The following CTDSP1 variants were observed in gnomAD, a reference collection of about 807,000 sequenced individuals.
CTDSP1 encodes the protein carboxy-terminal domain RNA polymerase II polypeptide A small phosphatase 1.
In CTDSP1, 15 loss-of-function variants were observed where a neutral mutation model predicts 32.5. That is an observed-to-expected ratio of 0.46 (90% CI 0.31 to 0.71). CTDSP1 has a LOEUF of 0.71. Among genes scored for constraint, CTDSP1 ranks in the 30% least tolerant of loss-of-function variants. The pLI is 0.05. For synonymous variants in CTDSP1, 185 were observed against 145.4 expected (o/e 1.27, Z -1.96); for missense variants, 294 against 351.1 (o/e 0.84, Z 1.30).
chr2:218,402,103 C>A lies in CTDSP1; in HGVS notation c.217-8C>A. 6.2e-7 allele frequency: 1 copy of A among 1,602,560 alleles called. No individual in the cohort carries two copies. Among genetic ancestry groups the A allele is most frequent in the Non-Finnish European group, 8.5e-7 (1 of 1,170,862 alleles). ...GAGGCACCCCAGCCAGCCCCGCCCT[C>A]CCTACAGCAGACCCCAGTCCAATAC... On this transcript the variant is annotated splice_polypyrimidine_tract_variant and splice_region_variant and intron_variant, in intron 2 of 6. Coordinates refer to ENST00000273062, the MANE Select transcript of CTDSP1 (RefSeq NM_021198.3).
intron 6 of CTDSP1, 129 bp from the exon 7 acceptor site, chr2:218,404,168 A>G (rs779271467): frequency 8.9e-7 from 1 of 1,128,882 alleles, no homozygotes; most frequent in Non-Finnish European, 1.3e-6. Context: ...CTGTCAAAAA[A>G]GTTTGAACAC....
chr2:218,398,399 G>C (rs1451458117), upstream of CTDSP1: 10 of 1,535,280 alleles, frequency 6.5e-6, no homozygotes, highest in Non-Finnish European at 8.7e-6. Context: ...TGGCGATCAC[G>C]GTGATGAAGC....
chr2:218,403,399 C>T lies in CTDSP1; in HGVS notation c.639C>T (p.Val213=), dbSNP rs35551716. The T allele has an allele frequency of 4.9e-5, 79 of 1,604,942 alleles. No individual in the cohort carries two copies. In the African/African-American group the frequency reaches 9.2e-4, roughly 19 times the overall value. The change falls in exon 6 of 7, where the codon GTC becomes GTT. Residue 213 remains valine (V), a synonymous_variant. Transcript: ENST00000273062. ...LILDNSPASY[V]FHPDNAVPVA... The stretch of plus-strand genomic sequence containing the variant: ...TGGACAATTCACCTGCCTCCTATGT[C>T]TTCCATCCAGACAATGCTGTGAGTG...
intron 2 of CTDSP1, 42 bp from the exon 3 acceptor site, chr2:218,402,069 G>C: frequency 7.2e-7 from 1 of 1,379,944 alleles, no homozygotes; most frequent in Non-Finnish European, 1.0e-6. Flanking sequence ...GAAGGACCAG[G>C]CCCGGAGAGA....
intron 4 of CTDSP1, chr2:218,402,833 G>C (rs1162133167): frequency 8.9e-6 from 6 of 673,774 alleles, no homozygotes; most frequent in Non-Finnish European, 1.6e-5. Context: ...GGACTGGCCA[G>C]TGGAGTGGAA....
At chr2:218,404,173 G>A (rs372976760) in intron 6 of CTDSP1, 124 bp from the exon 7 acceptor site, 4 of 1,217,198 alleles carry the variant, frequency 3.3e-6, no homozygotes, top group Non-Finnish European at 4.6e-6. Context: ...AAAAAAGTTT[G>A]AACACTGTGG....
exon 1 of CTDSP1, chr2:218,399,866 TTGCATCCGCCTCGCGGGAAGGAAAC>T (rs1466785489): frequency 3.2e-6 from 4 of 1,241,744 alleles, no homozygotes; most frequent in Admixed American, 4.3e-5. Context: ...GGTTCCATGT[TTGCATCCGCCTCGCGGGAAGGAAAC>T]TCCATGTTGT....
upstream of CTDSP1, among the ~76,000 whole-genome samples, chr2:218,397,162 T>C (rs1356878912): frequency 1.3e-5 from 2 of 151,972 alleles, no homozygotes; most frequent in Non-Finnish European, 2.9e-5. Flanking sequence ...GGCAGAGTAA[T>C]GGGCAGGTTG....
intron 4 of CTDSP1, chr2:218,402,626 G>C (rs1290804695): frequency 1.3e-6 from 1 of 763,042 alleles, no homozygotes; most frequent in Non-Finnish European, 2.4e-6. Context: ...CCCGTGCTGT[G>C]CTCCCTCGCC....
Position 218,404,723 on chromosome 2 carries a change from C to G in CTDSP1, c.*298C>G. ...TGTCTCTGTCCATGCTGCCATGTTTCTCTGCTGCCAAATTGGGCCCCTTGG... is the reference window on the plus strand; with the variant it reads ...TGTCTCTGTCCATGCTGCCATGTTTGTCTGCTGCCAAATTGGGCCCCTTGG... On this transcript the variant is annotated 3_prime_UTR_variant, in exon 7 of 7. Coordinates refer to ENST00000273062, the MANE Select transcript of CTDSP1 (RefSeq NM_021198.3). 3.1e-6 allele frequency: 1 copy of G among 326,056 alleles called. No individual in the cohort carries two copies. The highest frequency in any genetic ancestry group is 8.3e-4 in the Middle Eastern group (1 of 1,208). 20.2% of individuals were successfully genotyped at this position (326,056 alleles called of 1,614,324 possible).
rs1297938347 is a variant in CTDSP1, at chr2:218,401,605, G to A, written c.109G>A (p.Gly37Ser). ...SAASQKPRSR[G>S]ILHSLFCCVC... is the part of the protein sequence containing the mutation. Reference sequence around the variant, plus strand: ...AGCTTCCCAGAAGCCCCGAAGCCGGGGCATCCTCCACTCACTCTTCTGCTG... The same window carrying A: ...AGCTTCCCAGAAGCCCCGAAGCCGGAGCATCCTCCACTCACTCTTCTGCTG... Residue 37 changes from glycine to serine, a missense_variant, in exon 2 of 7, where the codon GGC (glycine) becomes AGC (serine). By Grantham distance (56) the Gly-to-Ser change is moderately conservative. Transcript: ENST00000273062. The A allele has an allele frequency of 3.7e-6, 6 of 1,613,812 alleles. No homozygotes were observed. The African/African-American group carries it at 8.0e-5, about 22-fold the overall frequency.
chr2:218,404,886 G>GA lies in CTDSP1; in HGVS notation c.*461_*462insA. Reference sequence around the variant, plus strand: ...CAGGGGCACAGCTCTAGGCTGGGAGGGGAGAACCAGCCCCTCCCCCTGCCC... The same window carrying GA: ...CAGGGGCACAGCTCTAGGCTGGGAGGAGGAGAACCAGCCCCTCCCCCTGCCC... On this transcript the variant is annotated 3_prime_UTR_variant, in exon 7 of 7. Transcript: ENST00000273062. The GA allele has an allele frequency of 6.5e-6, 1 of 154,868 alleles. No individual in the cohort carries two copies. The highest frequency in any genetic ancestry group is 1.9e-4 in the South Asian group (1 of 5,178). 9.6% of individuals were successfully genotyped at this position (154,868 alleles called of 1,614,324 possible).
upstream of CTDSP1, chr2:218,398,365 G>GCCT: frequency 6.6e-7 from 1 of 1,514,724 alleles, no homozygotes; most frequent in East Asian, 2.5e-5. Context: ...GCCAGAGCAG[G>GCCT]CCTAGGAAAA....
Position 218,405,816 on chromosome 2 carries a change from C to G in CTDSP1, c.*1391C>G, listed in dbSNP as rs1697379094. On this transcript the variant is annotated 3_prime_UTR_variant, in exon 7 of 7. Transcript: ENST00000273062. Reference sequence around the variant, plus strand: ...AGTGGTGATGTCGTTGTGCTCCCCTCCCCCAGAGCGGGTGGGCGGGGGGTG... The same window carrying G: ...AGTGGTGATGTCGTTGTGCTCCCCTGCCCCAGAGCGGGTGGGCGGGGGGTG... 1 of 153,184 alleles carries G rather than the reference C, an allele frequency of 6.5e-6. No homozygotes were observed. Among genetic ancestry groups the G allele is most frequent in the South Asian group, 2.1e-4 (1 of 4,848 alleles). The allele number at this position is 153,184 out of a possible 1,614,324, so 9.5% of individuals were successfully genotyped here. A position where few individuals can be genotyped will look rare whatever the true frequency, so the allele number is the denominator to read the frequency against.
intron 6 of CTDSP1, 104 bp downstream of exon 6, chr2:218,403,521 T>G: frequency 9.3e-7 from 1 of 1,074,000 alleles, no homozygotes; most frequent in Non-Finnish European, 1.3e-6. Flanking sequence ...GGGGGGTGGG[T>G]GCCCTCCCAG....
At chr2:218,402,943 G>A (rs921892096) in intron 4 of CTDSP1, 92 bp from the exon 5 acceptor site, 10 of 906,426 alleles carry the variant, frequency 1.1e-5, no homozygotes, top group Admixed American at 1.9e-5. Context: ...CTTCCTGTGC[G>A]CCTCTGCCTC....
In CTDSP1 at chr2:218,400,050, C is replaced by T; in HGVS notation, c.-41C>T. 2 of 1,353,142 alleles carry T rather than the reference C, an allele frequency of 1.5e-6. No individual in the cohort carries two copies. The highest frequency in any genetic ancestry group is 1.9e-6 in the Non-Finnish European group (2 of 1,047,572). 83.8% of individuals were successfully genotyped at this position (1,353,142 alleles called of 1,614,324 possible). The stretch of plus-strand genomic sequence containing the variant: ...CCCCAGCCGGGGGGGAGGCCGGGCG[C>T]CCGGGCCAGAGTCCGGCCGGAGCGG... On this transcript the variant is annotated 5_prime_UTR_variant, in exon 1 of 7. Transcript: ENST00000273062.
chr2:218,401,580 A>G lies in CTDSP1; in HGVS notation c.84A>G (p.Ala28=), dbSNP rs1448572375. ...CTACTTCAGGTGACCAGAAGTCAGC[A>G]GCTTCCCAGAAGCCCCGAAGCCGGG... ...PLRGKGDQKS[A]ASQKPRSRGI... The change falls in exon 2 of 7, where the codon GCA becomes GCG. Residue 28 remains alanine, a synonymous_variant. Transcript: ENST00000273062. 1.1e-5 allele frequency: 18 copies of G among 1,613,846 alleles called. No individual in the cohort carries two copies. The highest frequency in any genetic ancestry group is 1.5e-5 in the Non-Finnish European group (18 of 1,179,956).
At chr2:218,398,431 G>C (rs1160655405), upstream of CTDSP1, 3 of 1,534,954 alleles carry the variant, frequency 2.0e-6, no homozygotes, top group African/African-American at 4.1e-5. Flanking sequence ...CGCCCCGTGG[G>C]CTACCCAGGA....
Sources: gnomAD v4.1 joint callset for allele counts (sites outside exome capture counted in the v4.1 genomes callset) on GRCh38, gnomAD v4.1.1 for gene constraint, MANE v1.5 for transcripts, NCBI Gene and HGNC (gene_info 2026-07-23, HGNC 2026-07-21) for gene names.